Variants in BCL2L13 observed in about 807,000 individuals in gnomAD.
The protein encoded by BCL2L13 is BCL2 like 13.
In BCL2L13, 13 loss-of-function variants were observed where a neutral mutation model predicts 25.8. The ratio of observed to expected loss-of-function variants is 0.50; its 90% CI spans 0.33 to 0.80. The LOEUF is 0.80. Ranked by LOEUF, BCL2L13 falls within the 30% of genes least tolerant of loss-of-function variation. The pLI is 0.02. For missense variants in BCL2L13, 504 were observed against 574.9 expected, an observed-to-expected ratio of 0.88 and a Z score of 1.26; for synonymous variants, 244 against 230.3, an observed-to-expected ratio of 1.06 and a Z score of -0.54.
chr22:17,691,204 C>T (rs1333443721), intron 4 of BCL2L13, among the ~76,000 whole-genome samples: 2 of 151,960 alleles, frequency 1.3e-5, no homozygotes, highest in South Asian at 2.1e-4. Context: ...AACCAGAGCA[C>T]GTGTACTTTC....
At chr22:17,672,550 C>G (rs1314765099) in intron 2 of BCL2L13, among the ~76,000 whole-genome samples, 1 of 152,214 alleles carries the variant, frequency 6.6e-6, no homozygotes, top group Non-Finnish European at 1.5e-5. Context: ...ATTGGCCCCA[C>G]TGCGTAGCTC....
chr22:17,707,615 T>A (rs1249337616), intron 6 of BCL2L13, among the ~76,000 whole-genome samples: 1 of 152,206 alleles, frequency 6.6e-6, no homozygotes, highest in Non-Finnish European at 1.5e-5. Context: ...ATGTAAGTTG[T>A]AACTAACGTA....
At chr22:17,632,506 G>C (rs2058045985) in intron 1 of BCL2L13, among the ~76,000 whole-genome samples, 1 of 152,082 alleles carries the variant, frequency 6.6e-6, no homozygotes, top group African/African-American at 2.4e-5. Context: ...GAATATGCTA[G>C]AGGACTATTC....
intron 6 of BCL2L13, among the ~76,000 whole-genome samples, chr22:17,703,999 T>G (rs2060517486): frequency 1.3e-5 from 2 of 152,242 alleles, no homozygotes; most frequent in Non-Finnish European, 1.5e-5. Flanking sequence ...GTTTGGTGAT[T>G]GTAATTGGTT....
At chr22:17,703,823 C>A (rs745324236) in intron 6 of BCL2L13, 8 of 152,088 alleles carry the variant, frequency 5.3e-5, no homozygotes, top group South Asian at 2.1e-4. Flanking sequence ...CTTTTTAAAA[C>A]CTTTGGCTAT....
Position 17,702,372 on chromosome 22 carries a change from C to T in BCL2L13, c.586C>T (p.Gln196Ter). ...GGACTATTCGGCAGAGTACATCATT[C>T]AGCAAGGTGGCTGGGTATGAGCTGT... ...LEDYSAEYII[Q>*]QGGWGTVFSL... The change falls in exon 6 of 7, where the codon CAG (glutamine) becomes TAG (stop). Residue 196 changes from glutamine to a stop codon, truncating the protein, a stop_gained. Coordinates refer to ENST00000317582, the MANE Select transcript of BCL2L13 (RefSeq NM_015367.4). LOFTEE classifies it low-confidence loss of function (END_TRUNC). 1.3e-6 allele frequency: 2 copies of T among 1,593,816 alleles called. No homozygotes were observed. Among genetic ancestry groups the T allele is most frequent in the Non-Finnish European group, 1.7e-6 (2 of 1,171,888 alleles).
chr22:17,677,535 C>T (rs1189083830), intron 2 of BCL2L13, among the ~76,000 whole-genome samples: 1 of 152,108 alleles, frequency 6.6e-6, no homozygotes, highest in African/African-American at 2.4e-5. Flanking sequence ...AATTTGAGAC[C>T]AGCCTGGCCA....
At chr22:17,669,030 C>CTTTTTTTT (rs537315017) in intron 2 of BCL2L13, among the ~76,000 whole-genome samples, 16 of 111,838 alleles carry the variant, frequency 1.4e-4, no homozygotes, top group South Asian at 2.9e-4. Context: ...CTGTTTCTTT[C>CTTTTTTTT]TTTTTTTTTT....
At chr22:17,684,550 G>A in intron 3 of BCL2L13, 1 of 453,762 alleles carries the variant, frequency 2.2e-6, no homozygotes, top group Non-Finnish European at 4.4e-6. Context: ...AAATAGAATA[G>A]TTCACTATGT....
chr22:17,711,262 T>C (rs1217445446), intron 6 of BCL2L13, among the ~76,000 whole-genome samples: 1 of 151,736 alleles, frequency 6.6e-6, no homozygotes, highest in East Asian at 1.9e-4. Flanking sequence ...TTACTTTTAA[T>C]TTTCAGTTTG....
At chr22:17,673,003 G>T (rs1328198093) in intron 2 of BCL2L13, among the ~76,000 whole-genome samples, 1 of 152,070 alleles carries the variant, frequency 6.6e-6, no homozygotes, top group Admixed American at 6.6e-5. Context: ...GTATGTCCTG[G>T]GAGTCAATAA....
intron 6 of BCL2L13, among the ~76,000 whole-genome samples, chr22:17,713,172 A>G (rs547769001): frequency 6.6e-6 from 1 of 152,298 alleles, no homozygotes; most frequent in South Asian, 2.1e-4. Flanking sequence ...CATGTTACAT[A>G]ATCTCCCCAA....
chr22:17,684,126 C>T lies in BCL2L13; in HGVS notation c.229+805C>T, dbSNP rs1164589025. 2.6e-5 allele frequency among the ~76,000 whole-genome samples: 4 copies of T among 151,928 alleles called. No individual in the cohort carries two copies. The East Asian group carries it at 7.7e-4, about 29-fold the overall frequency. On this transcript the variant is annotated intron_variant, in intron 3 of 6. Transcript: ENST00000317582. ...CAATGATATAAATATATTTTTACAG[C>T]TTTATTGAGATATATTTTACATACC...
In BCL2L13 at chr22:17,631,688, A is replaced by ATATATATATT. The variant is rs1555868592; in HGVS notation, c.-650+2692_-650+2693insTTATATATAT. On this transcript the variant is annotated intron_variant, in intron 1 of 6. Coordinates refer to the BCL2L13 transcript ENST00000399782. ...TGTGTGTGTATATATATATATATAT[A>ATATATATATT]TATATATATATATATATATTTTTTT... Among the ~76,000 whole-genome samples, 12 of 48,132 alleles carry ATATATATATT rather than the reference A, an allele frequency of 2.5e-4. 1 individual carries two copies. The highest frequency in any genetic ancestry group is 7.2e-4 in the Admixed American group (2 of 2,794). 31.6% of individuals were successfully genotyped at this position (48,132 alleles called of 152,430 possible). A position where few individuals can be genotyped will look rare whatever the true frequency, so the allele number is the denominator to read the frequency against.
chr22:17,657,551 T>G (rs1055019948), intron 2 of BCL2L13, among the ~76,000 whole-genome samples: 16 of 152,006 alleles, frequency 1.1e-4, no homozygotes, highest in African/African-American at 3.9e-4. Flanking sequence ...AGTCTCGCTC[T>G]GTCCAGGCTA....
chr22:17,713,598 A>T (rs1295879534), intron 6 of BCL2L13, among the ~76,000 whole-genome samples: 1 of 151,198 alleles, frequency 6.6e-6, no homozygotes, highest in Non-Finnish European at 1.5e-5. Flanking sequence ...AGTAGCTGGG[A>T]CTACAGGCAT....
At chr22:17,674,886 T>TA (rs2059532835) in intron 2 of BCL2L13, among the ~76,000 whole-genome samples, 1 of 151,714 alleles carries the variant, frequency 6.6e-6, no homozygotes, top group African/African-American at 2.4e-5. Flanking sequence ...TAATGTGGCT[T>TA]ATGATGCATA....
At chr22:17,651,917 CCTGATTGCG>C (rs1204056240) in intron 1 of BCL2L13, among the ~76,000 whole-genome samples, 1 of 151,936 alleles carries the variant, frequency 6.6e-6, no homozygotes, top group Non-Finnish European at 1.5e-5. Flanking sequence ...GTCTGGATTT[CCTGATTGCG>C]TGATCCACCT....
At chr22:17,683,132 C>CAAAAAA (rs34013263) in intron 2 of BCL2L13, 82 bp from the exon 3 acceptor site, 12 of 602,914 alleles carry the variant, frequency 2.0e-5, no homozygotes, top group African/African-American at 9.7e-5. Context: ...GACTCCGTCT[C>CAAAAAA]AAAAAAAAAA....
Sources: allele counts gnomAD v4.1 joint callset (sites outside exome capture counted in the v4.1 genomes callset), GRCh38; gene constraint gnomAD v4.1.1; transcripts MANE v1.5; gene names NCBI Gene and HGNC (gene_info 2026-07-23, HGNC 2026-07-21).